The following MARCHF1 variants were observed in gnomAD, a reference collection of about 807,000 sequenced individuals.
MARCHF1 encodes E3 ubiquitin-protein ligase MARCHF1.
In MARCHF1, 40 loss-of-function variants were observed where a neutral mutation model predicts 54.2. The ratio of observed to expected loss-of-function variants is 0.74; its 90% CI spans 0.57 to 0.96. The LOEUF is 0.96. Among genes scored for constraint, MARCHF1 ranks in the 40% least tolerant of loss-of-function variants. MARCHF1 has a pLI of 0.00. For missense variants in MARCHF1, 586 were observed against 656.5 expected (o/e 0.89, Z 1.17); for synonymous variants, 236 against 236.3 (o/e 1.00, Z 0.01).
At chr4:164,044,160 T>G (rs1335689000) in intron 2 of MARCHF1, among the ~76,000 whole-genome samples, 1 of 152,198 alleles carries the variant, frequency 6.6e-6, no homozygotes, top group Non-Finnish European at 1.5e-5. Flanking sequence ...CAAAGTCGCT[T>G]TCACATTTTC....
At chr4:163,625,734 G>A (rs1741848463) in intron 5 of MARCHF1, among the ~76,000 whole-genome samples, 1 of 152,160 alleles carries the variant, frequency 6.6e-6, no homozygotes, top group South Asian at 2.1e-4. Context: ...CACATCAAAC[G>A]GAAGTTGTAT....
rs1456325913 is a variant in MARCHF1, at chr4:163,854,099, G to A, written c.33C>T (p.Asn11=). The A allele has an allele frequency of 2.6e-6, 4 of 1,536,504 alleles. No individual in the cohort carries two copies. Among genetic ancestry groups the A allele is most frequent in the Non-Finnish European group, 3.5e-6 (4 of 1,146,456 alleles). Residue 11 remains asparagine (N), a synonymous_variant, in exon 4 of 10, where the codon AAC becomes AAT. Coordinates refer to ENST00000514618, the MANE Select transcript of MARCHF1 (RefSeq NM_001394959.1). Reference sequence around the variant, plus strand: ...GCGTGTTGTTTGGAATTCTGTGAGGGTTACGGGCTATCGCTTCACACCAGC... The same window carrying A: ...GCGTGTTGTTTGGAATTCTGTGAGGATTACGGGCTATCGCTTCACACCAGC... MLGWCEAIAR[N]PHRIPNNTRT...
intron 4 of MARCHF1, among the ~76,000 whole-genome samples, chr4:163,762,169 T>A (rs1040594889): frequency 1.3e-5 from 2 of 152,150 alleles, no homozygotes; most frequent in African/African-American, 4.8e-5. Context: ...AAATTGTATT[T>A]CTGAAAACAG....
intron 7 of MARCHF1, among the ~76,000 whole-genome samples, chr4:163,588,344 C>CT (rs1429043121): frequency 1.3e-5 from 2 of 152,200 alleles, no homozygotes; most frequent in East Asian, 3.8e-4. Context: ...ACTTGTTACA[C>CT]TTTGTGTCAT....
At chr4:164,027,605 T>A (rs138055267) in intron 2 of MARCHF1, among the ~76,000 whole-genome samples, 3 of 152,006 alleles carry the variant, frequency 2.0e-5, no homozygotes, top group Admixed American at 2.0e-4. Context: ...TAACTCAAGA[T>A]GGATTAAAGA....
chr4:163,653,949 A>G (rs187148691), intron 5 of MARCHF1, among the ~76,000 whole-genome samples: 9 of 151,928 alleles, frequency 5.9e-5, no homozygotes, highest in East Asian at 1.9e-4. Flanking sequence ...AATTGAGTAT[A>G]GATAGGAAAG....
chr4:164,051,018 G>A (rs887167789), intron 2 of MARCHF1, among the ~76,000 whole-genome samples: 4 of 152,176 alleles, frequency 2.6e-5, no homozygotes, highest in South Asian at 4.2e-4. Context: ...ATTCTAACTC[G>A]CATTCCTACT....
At chr4:164,149,736 A>G (rs774973387) in intron 1 of MARCHF1, among the ~76,000 whole-genome samples, 52 of 152,168 alleles carry the variant, frequency 3.4e-4, no homozygotes, top group Non-Finnish European at 6.9e-4. Context: ...AAAGTGAGAT[A>G]AATGAGAAGA....
intron 1 of MARCHF1, among the ~76,000 whole-genome samples, chr4:164,240,426 C>A (rs1732706322): frequency 6.6e-6 from 1 of 152,068 alleles, no homozygotes; most frequent in South Asian, 2.1e-4. Context: ...CCAATGGAGA[C>A]TCCTCATTCC....
At chr4:163,591,888 T>TGCCC (rs1427673544) in intron 7 of MARCHF1, among the ~76,000 whole-genome samples, 1 of 152,166 alleles carries the variant, frequency 6.6e-6, no homozygotes, top group African/African-American at 2.4e-5. Flanking sequence ...TCAAGCAAAC[T>TGCCC]GATCTGCAGT....
In MARCHF1 at chr4:163,748,703, T is replaced by G. The variant is rs115559179; in HGVS notation, c.112-47840A>C. Among the ~76,000 whole-genome samples the G allele has an allele frequency of 7.5e-3, 1,148 of 152,338 alleles. 7 individuals carry two copies. Among genetic ancestry groups the G allele is most frequent in the South Asian group, 0.021 (103 of 4,826 alleles). On this transcript the variant is annotated intron_variant, in intron 4 of 9. Coordinates refer to ENST00000514618, the MANE Select transcript of MARCHF1 (RefSeq NM_001394959.1). The stretch of plus-strand genomic sequence containing the variant: ...GGCCAGGGATCGCCTTTCAAGCCTA[T>G]GTGAGCAGTGTGGCTGCACACATCC...
rs117195809 is a variant in MARCHF1, at chr4:163,647,095, C to T, written c.163-33702G>A. 4.0e-3 allele frequency among the ~76,000 whole-genome samples: 614 copies of T among 152,000 alleles called. 20 individuals carry two copies. Among genetic ancestry groups the T allele is most frequent in the Admixed American group, 0.03 (451 of 15,252 alleles). The stretch of plus-strand genomic sequence containing the variant: ...TATTCCATGCAAACGGAAATGAAGA[C>T]GTCAGGGGTAGCTTTACTTATATCA... On this transcript the variant is annotated intron_variant, in intron 5 of 9. Coordinates refer to ENST00000514618, the MANE Select transcript of MARCHF1 (RefSeq NM_001394959.1).
At chr4:163,711,470 C>G (rs949368329) in intron 4 of MARCHF1, among the ~76,000 whole-genome samples, 4 of 152,162 alleles carry the variant, frequency 2.6e-5, no homozygotes, top group African/African-American at 9.7e-5. Context: ...AGGAGGCACA[C>G]CCGGTTGGAT....
intron 3 of MARCHF1, among the ~76,000 whole-genome samples, chr4:163,882,684 A>G (rs1463828725): frequency 6.6e-6 from 1 of 152,106 alleles, no homozygotes; most frequent in Non-Finnish European, 1.5e-5. Context: ...TTAACAAATT[A>G]TTAGCTGGGG....
At chr4:164,048,821 A>AT (rs1393448968) in intron 2 of MARCHF1, among the ~76,000 whole-genome samples, 2 of 152,108 alleles carry the variant, frequency 1.3e-5, no homozygotes, top group African/African-American at 4.8e-5. Context: ...CAATAATCTC[A>AT]TTATCTTATA....
At chr4:164,109,933 A>AAAAAAAAAAAAAAAC (rs1755798807) in intron 2 of MARCHF1, among the ~76,000 whole-genome samples, 1 of 149,980 alleles carries the variant, frequency 6.7e-6, no homozygotes, top group Admixed American at 6.7e-5. Flanking sequence ...AAAAAAAAAA[A>AAAAAAAAAAAAAAAC]AAAGAAAATG....
chr4:163,972,191 C>A (rs144213334), intron 3 of MARCHF1, among the ~76,000 whole-genome samples: 1 of 151,828 alleles, frequency 6.6e-6, no homozygotes, highest in Non-Finnish European at 1.5e-5. Context: ...CATACTGGAG[C>A]CTATCAGGGG....
chr4:163,629,513 T>G (rs1398442642), intron 5 of MARCHF1, among the ~76,000 whole-genome samples: 2 of 151,960 alleles, frequency 1.3e-5, no homozygotes, highest in South Asian at 2.1e-4. Flanking sequence ...ACTTCATGAG[T>G]GAAACAGCAA....
Position 164,198,892 on chromosome 4 carries a change from G to C in MARCHF1, c.-322-87230C>G, listed in dbSNP as rs1157845373. ...CCTGAAACTCTTACTATAAGAATAT[G>C]AGCAATAGATTCAAAAAACTAAAAG... On this transcript the variant is annotated intron_variant, in intron 1 of 9. Coordinates refer to ENST00000514618, the MANE Select transcript of MARCHF1 (RefSeq NM_001394959.1). Among the ~76,000 whole-genome samples the C allele has an allele frequency of 2.0e-5, 3 of 152,112 alleles. No homozygotes were observed. The East Asian group carries it at 5.8e-4, about 29-fold the overall frequency.
Sources: allele counts gnomAD v4.1 joint callset (sites outside exome capture counted in the v4.1 genomes callset), GRCh38; gene constraint gnomAD v4.1.1; transcripts MANE v1.5; gene names NCBI Gene and HGNC (gene_info 2026-07-23, HGNC 2026-07-21).